The following PHF8 variants were observed in gnomAD, a reference collection of about 807,000 sequenced individuals.
PHF8 encodes histone lysine demethylase PHF8.
A neutral mutation model predicts 74.4 loss-of-function variants in PHF8; 9 were observed. That is an observed-to-expected ratio of 0.12 (90% CI 0.07 to 0.21). The LOEUF (loss-of-function observed/expected upper bound fraction) is 0.21. Ranked by LOEUF, PHF8 falls within the 10% of genes least tolerant of loss-of-function variation. The pLI, the probability that PHF8 is intolerant of heterozygous loss-of-function variation, is 1.00. For synonymous variants in PHF8, 311 were observed against 316.6 expected (o/e 0.98, Z 0.19); for missense variants, 478 against 816.6 (o/e 0.59, Z 5.05).
At chrX:54,027,534 C>G (rs1557111671) in intron 2 of PHF8, among the ~76,000 whole-genome samples, 1 of 111,520 alleles carries the variant, frequency 9.0e-6, no homozygotes, top group Non-Finnish European at 1.9e-5. Flanking sequence ...CTAGTCTGAT[C>G]TTAGTCCCCA....
intron 2 of PHF8, among the ~76,000 whole-genome samples, chrX:54,031,597 A>C (rs1247660179): frequency 9.1e-6 from 1 of 109,790 alleles, no homozygotes; most frequent in Non-Finnish European, 1.9e-5. Context: ...AAAAAAAAAA[A>C]ACCCAAACAA....
intron 11 of PHF8, among the ~76,000 whole-genome samples, chrX:53,996,682 G>A (rs1197011020): frequency 9.0e-6 from 1 of 110,960 alleles, no homozygotes; most frequent in African/African-American, 3.3e-5. Flanking sequence ...CAGTAGCTGG[G>A]ATTACAAGCA....
intron 12 of PHF8, chrX:53,995,337 T>C (rs1041968064): frequency 2.4e-4 from 77 of 319,585 alleles, no homozygotes; most frequent in African/African-American, 2.0e-3. Context: ...AAGCACTCTA[T>C]TTTTGTGCTC....
Position 53,940,223 on chromosome X carries a change from C to T in PHF8, c.2943G>A (p.Gln981=). The T allele has an allele frequency of 8.4e-7, 1 of 1,191,836 alleles. No individual in the cohort carries two copies. Among genetic ancestry groups the T allele is most frequent in the Non-Finnish European group, 1.1e-6 (1 of 885,140 alleles). ...TCTGGGAGCCAACTGAAGGGCGCCGCTGGGTCAAGAAGACACCGGGGGCCA... is the reference window on the plus strand; with the variant it reads ...TCTGGGAGCCAACTGAAGGGCGCCGTTGGGTCAAGAAGACACCGGGGGCCA... ...TPMAPGVFLT[Q]RRPSVGSQSN... Residue 981 remains glutamine (Q), a synonymous_variant, in exon 21 of 22, where the codon CAG becomes CAA. Transcript: ENST00000338154.
chrX:54,039,965 A>C (rs2066525346), intron 2 of PHF8: 1 of 112,725 alleles, frequency 8.9e-6, no homozygotes, highest in Non-Finnish European at 1.9e-5. Context: ...ATGGGAGTTA[A>C]TGCAACAACA....
intron 13 of PHF8, 105 bp downstream of exon 13, chrX:53,993,496 G>A: frequency 1.6e-6 from 1 of 637,099 alleles, no homozygotes; most frequent in Non-Finnish European, 2.5e-6. Flanking sequence ...AACAGCAGGG[G>A]GTCTAAGGGA....
chrX:53,952,134 A>G (rs1339648576), intron 19 of PHF8, among the ~76,000 whole-genome samples: 1 of 110,093 alleles, frequency 9.1e-6, no homozygotes, highest in Non-Finnish European at 1.9e-5. Context: ...AATACAAAAA[A>G]TTAGCCAGGC....
At chrX:54,044,722 G>C (rs913511998), upstream of PHF8, among the ~76,000 whole-genome samples, 2 of 112,302 alleles carry the variant, frequency 1.8e-5, no homozygotes, top group African/African-American at 6.5e-5. Context: ...CCCTCCTCCG[G>C]GCAAACAGGG....
intron 19 of PHF8, among the ~76,000 whole-genome samples, chrX:53,959,420 T>TC (rs1190419916): frequency 9.0e-6 from 1 of 111,391 alleles, no homozygotes; most frequent in Non-Finnish European, 1.9e-5. Flanking sequence ...TCACACAACA[T>TC]CCATTTAGTG....
intron 19 of PHF8, among the ~76,000 whole-genome samples, chrX:53,950,214 T>C (rs976733279): frequency 9.0e-6 from 1 of 111,565 alleles, no homozygotes; most frequent in South Asian, 3.8e-4. Flanking sequence ...CCCAGCAATG[T>C]AGTGAGCAGA....
At position 53,992,854 on chromosome X, in the gene PHF8, G is replaced by GAAA. The variant is rs782288329; in HGVS notation, c.1627-16_1627-15insTTT. 1 of 1,072,078 alleles carries GAAA rather than the reference G, an allele frequency of 9.3e-7. No homozygotes were observed. The highest frequency in any genetic ancestry group is 2.2e-5 in the Admixed American group (1 of 45,100). 88.4% of individuals were successfully genotyped at this position (1,072,078 alleles called of 1,213,427 possible). A position where few individuals can be genotyped will look rare whatever the true frequency, so the allele number is the denominator to read the frequency against. On this transcript the variant is annotated splice_polypyrimidine_tract_variant and intron_variant, in intron 13 of 21. Coordinates refer to ENST00000338154, the MANE Select transcript of PHF8 (RefSeq NM_015107.3). The stretch of plus-strand genomic sequence containing the variant: ...GTGATGTTGAACTGTAGAAGTAGGA[G>GAAA]ACTCAGCCGTTACCTGTCTGGGACT...
intron 2 of PHF8, among the ~76,000 whole-genome samples, chrX:54,026,719 C>G (rs1299215648): frequency 9.0e-6 from 1 of 110,984 alleles, no homozygotes; most frequent in Non-Finnish European, 1.9e-5. Flanking sequence ...GCCCCAGCCT[C>G]CCAAGTAGCT....
chrX:53,987,390 CTAT>C (rs2065582384), intron 15 of PHF8, among the ~76,000 whole-genome samples: 1 of 111,559 alleles, frequency 9.0e-6, no homozygotes, highest in Admixed American at 9.6e-5. Flanking sequence ...GGTCTTAAGT[CTAT>C]CAAGAGGGCC....
rs782579990 is a variant in PHF8, at chrX:54,023,841, C to CAA, written c.99-1000_99-999dup. ...GGGTGACAGAACAAGACCCTGTCTC[C>CAA]AAAAAAAAAAAAAAAAAAAAAAAGA... On this transcript the variant is annotated intron_variant, in intron 2 of 21. Coordinates refer to ENST00000338154, the MANE Select transcript of PHF8 (RefSeq NM_015107.3). 4.7e-3 allele frequency among the ~76,000 whole-genome samples: 182 copies of CAA among 38,996 alleles called. 1 individual carries two copies. The highest frequency in any genetic ancestry group is 0.015 in the African/African-American group (161 of 10,724). 33.9% of individuals were successfully genotyped at this position (38,996 alleles called of 115,157 possible). A position where few individuals can be genotyped will look rare whatever the true frequency, so the allele number is the denominator to read the frequency against.
At chrX:54,032,276 A>T (rs2066372220) in intron 2 of PHF8, among the ~76,000 whole-genome samples, 1 of 111,380 alleles carries the variant, frequency 9.0e-6, no homozygotes, top group South Asian at 3.8e-4. Context: ...GAATTGGCCT[A>T]ATCAGTTCCT....
intron 19 of PHF8, among the ~76,000 whole-genome samples, chrX:53,959,648 G>T (rs1028397323): frequency 9.1e-6 from 1 of 109,598 alleles, no homozygotes; most frequent in African/African-American, 3.3e-5. Flanking sequence ...GATCACTTGA[G>T]GTCAGGAGTT....
At position 53,984,969 on chromosome X, in the gene PHF8, G is replaced by A. The variant is rs377571096; in HGVS notation, c.2388C>T (p.Asn796=). 1 of 1,210,796 alleles carries A rather than the reference G, an allele frequency of 8.3e-7. No individual in the cohort carries two copies. Residue 796 remains asparagine, a synonymous_variant, in exon 18 of 22, where the codon AAC becomes AAT. Transcript: ENST00000338154. ...AGCTGTCCTGTTCATCCAGACTGGC[G>A]TTCTCCTCCTCCTCCTCGCTCTCGG... The part of the protein sequence containing the change: ...WRTESEEEEE[N]ASLDEQDSLG...
chrX:54,009,963 G>A (rs782557613), intron 8 of PHF8, among the ~76,000 whole-genome samples: 2 of 103,823 alleles, frequency 1.9e-5, no homozygotes, highest in African/African-American at 3.5e-5. Flanking sequence ...AATAACTAAC[G>A]TCAGGAATGA....
At chrX:53,939,524 C>T (rs965884290) in intron 21 of PHF8, among the ~76,000 whole-genome samples, 12 of 111,615 alleles carry the variant, frequency 1.1e-4, no homozygotes, top group Non-Finnish European at 1.9e-4. Flanking sequence ...AATCATTTTC[C>T]TTCCAAGATC....
Sources: allele counts gnomAD v4.1 joint callset (sites outside exome capture counted in the v4.1 genomes callset), GRCh38; gene constraint gnomAD v4.1.1; transcripts MANE v1.5; gene names NCBI Gene and HGNC (gene_info 2026-07-23, HGNC 2026-07-21).